NCK1: variants seen among roughly 807,000 people sequenced by gnomAD.
The protein encoded by NCK1 is NCK adaptor protein 1.
NCK1 carries 19 observed loss-of-function variants against 36.6 expected under a neutral mutation model. The observed-to-expected ratio is 0.52, with a 90% CI of 0.36 to 0.76. The LOEUF (loss-of-function observed/expected upper bound fraction) is 0.76, where lower values mean the gene tolerates loss of function less well. Among genes scored for constraint, NCK1 ranks in the 30% least tolerant of loss-of-function variants. The probability of loss-of-function intolerance (pLI) is 0.00; values close to 1 mark genes in which losing one functional copy is unlikely to be tolerated. For missense variants in NCK1, 358 were observed against 445.6 expected, an observed-to-expected ratio of 0.80 and a Z score of 1.77; for synonymous variants, 165 against 156.0, an observed-to-expected ratio of 1.06 and a Z score of -0.43.
At chr3:136,865,365 G>T (rs569481852) in intron 1 of NCK1, among the ~76,000 whole-genome samples, 1 of 152,298 alleles carries the variant, frequency 6.6e-6, no homozygotes, top group African/African-American at 2.4e-5. Flanking sequence ...GATTACAGGT[G>T]TGCGCCACCG....
chr3:136,893,147 AGT>A lies in NCK1; in HGVS notation c.-19+30825_-19+30826del, dbSNP rs142883729. 2.6e-3 allele frequency among the ~76,000 whole-genome samples: 108 copies of A among 41,850 alleles called. 1 individual carries two copies. The highest frequency in any genetic ancestry group is 8.1e-3 in the South Asian group (6 of 740). The allele number at this position is 41,850 out of a possible 152,430, so 27.5% of individuals were successfully genotyped here. Reference sequence around the variant, plus strand: ...TTTTTATGGCTAAGTAATATTCCATAGTGTGTGTGTGTGTGTGTGTGTGTGTG... The same window carrying A: ...TTTTTATGGCTAAGTAATATTCCATAGTGTGTGTGTGTGTGTGTGTGTGTG... On this transcript the variant is annotated intron_variant, in intron 1 of 3. Coordinates refer to ENST00000481752, the MANE Select transcript of NCK1 (RefSeq NM_001291999.2).
intron 2 of NCK1, among the ~76,000 whole-genome samples, chr3:136,943,297 C>T (rs2108148853): frequency 6.6e-6 from 1 of 152,270 alleles, no homozygotes; most frequent in South Asian, 2.1e-4. Context: ...AGGGATTTCT[C>T]TGAAGGCTAT....
chr3:136,879,106 A>G (rs1217398292), intron 1 of NCK1, among the ~76,000 whole-genome samples: 1 of 141,958 alleles, frequency 7.0e-6, no homozygotes, highest in African/African-American at 2.6e-5. Context: ...AGAAATAGAA[A>G]ACAAACTGGG....
chr3:136,936,587 CA>C, intron 2 of NCK1, among the ~76,000 whole-genome samples: 1 of 152,318 alleles, frequency 6.6e-6, no homozygotes. Context: ...CACCATTTTA[CA>C]TTCCAACCAG....
chr3:136,882,518 A>G (rs1938969209), intron 1 of NCK1, among the ~76,000 whole-genome samples: 1 of 151,744 alleles, frequency 6.6e-6, no homozygotes, highest in Non-Finnish European at 1.5e-5. Flanking sequence ...GCATAATACA[A>G]TGAAAGTTTA....
chr3:136,892,734 T>C (rs143669833), intron 1 of NCK1, among the ~76,000 whole-genome samples: 75 of 152,322 alleles, frequency 4.9e-4, no homozygotes, highest in African/African-American at 1.7e-3. Flanking sequence ...TAAGCCACTA[T>C]TGTTACACAG....
intron 1 of NCK1, among the ~76,000 whole-genome samples, chr3:136,892,387 C>T (rs925999656): frequency 2.0e-5 from 3 of 152,186 alleles, no homozygotes; most frequent in Non-Finnish European, 4.4e-5. Context: ...TGACTCTTTT[C>T]GGTTGCCTGT....
At chr3:136,867,939 C>A (rs973369414) in intron 1 of NCK1, among the ~76,000 whole-genome samples, 7 of 150,268 alleles carry the variant, frequency 4.7e-5, no homozygotes, top group African/African-American at 1.7e-4. Context: ...TTTTTTGAGA[C>A]AGAGTTTCGC....
chr3:136,884,367 A>G (rs1576950683), intron 1 of NCK1, among the ~76,000 whole-genome samples: 2 of 152,340 alleles, frequency 1.3e-5, no homozygotes, highest in Non-Finnish European at 2.9e-5. Flanking sequence ...TTGAGATCAG[A>G]GGGTACCTTG....
chr3:136,872,056 T>C (rs754364138), intron 1 of NCK1, among the ~76,000 whole-genome samples: 22 of 152,104 alleles, frequency 1.4e-4, no homozygotes, highest in Admixed American at 9.2e-4. Context: ...AGTAGAGTGC[T>C]CCTGAAAAGA....
chr3:136,867,180 CTTT>C (rs1560028661), intron 1 of NCK1, among the ~76,000 whole-genome samples: 1 of 17,014 alleles, frequency 5.9e-5, no homozygotes, highest in African/African-American at 1.5e-4. Flanking sequence ...TTCCTTCCTT[CTTT>C]CTTTCTTTTC....
At chr3:136,928,908 G>A (rs1162618102) in intron 2 of NCK1, among the ~76,000 whole-genome samples, 1 of 151,028 alleles carries the variant, frequency 6.6e-6, no homozygotes, top group African/African-American at 2.4e-5. Flanking sequence ...TAGCTGACAG[G>A]AAGGAATTGG....
At chr3:136,895,457 A>T (rs868080420) in intron 1 of NCK1, among the ~76,000 whole-genome samples, 4 of 151,736 alleles carry the variant, frequency 2.6e-5, no homozygotes, top group South Asian at 2.1e-4. Context: ...CCACCTTTTT[A>T]AAAAAAAGGT....
rs142830753 is a variant in NCK1, at chr3:136,877,280, C to A, written c.-19+14927C>A. On this transcript the variant is annotated intron_variant, in intron 1 of 3. Transcript: ENST00000481752. ...GGACAATAAAAAAGATCAAAATAATCAATTCTTGAGTGTTTTCTGACGTGT... is the reference window on the plus strand; with the variant it reads ...GGACAATAAAAAAGATCAAAATAATAAATTCTTGAGTGTTTTCTGACGTGT... Among the ~76,000 whole-genome samples, 62 of 152,216 alleles carry A rather than the reference C, an allele frequency of 4.1e-4. No homozygotes were observed. The East Asian group carries it at 9.4e-3, about 23-fold the overall frequency.
chr3:136,897,548 C>T (rs1939422264), intron 1 of NCK1, among the ~76,000 whole-genome samples: 1 of 152,034 alleles, frequency 6.6e-6, no homozygotes, highest in Non-Finnish European at 1.5e-5. Flanking sequence ...CTATTCATGT[C>T]CTTAGCCTAC....
chr3:136,925,520 C>T (rs1940215575), intron 1 of NCK1, among the ~76,000 whole-genome samples: 1 of 152,166 alleles, frequency 6.6e-6, no homozygotes, highest in South Asian at 2.1e-4. Context: ...TACTTCCCTC[C>T]TGTTCCTGCT....
chr3:136,939,704 A>G (rs1373013310), intron 2 of NCK1, among the ~76,000 whole-genome samples: 1 of 151,796 alleles, frequency 6.6e-6, no homozygotes, highest in East Asian at 1.9e-4. Context: ...TTGGTGACCT[A>G]TTGGTTTAAG....
At chr3:136,871,296 A>C (rs888187687) in intron 1 of NCK1, among the ~76,000 whole-genome samples, 17 of 152,040 alleles carry the variant, frequency 1.1e-4, no homozygotes, top group Non-Finnish European at 1.5e-4. Context: ...GCTACTTGCA[A>C]GGCTGGCGGG....
intron 2 of NCK1, among the ~76,000 whole-genome samples, chr3:136,937,814 ACT>A (rs1940571473): frequency 6.6e-6 from 1 of 151,328 alleles, no homozygotes; most frequent in African/African-American, 2.4e-5. Flanking sequence ...TTTTATTCTC[ACT>A]CTGTGTGAGT....
Sources: allele counts gnomAD v4.1 joint callset (sites outside exome capture counted in the v4.1 genomes callset), GRCh38; gene constraint gnomAD v4.1.1; transcripts MANE v1.5; gene names NCBI Gene and HGNC (gene_info 2026-07-23, HGNC 2026-07-21).